The following CDH4 variants were observed in gnomAD, a reference collection of about 807,000 sequenced individuals.
CDH4 encodes the protein cadherin 4, also known as cadherin-4.
Under a neutral mutation model 86.0 loss-of-function variants are expected in CDH4, and 33 were observed. The ratio of observed to expected loss-of-function variants is 0.38; its 90% CI spans 0.29 to 0.51. The LOEUF is 0.51. Among genes scored for constraint, CDH4 ranks in the 20% least tolerant of loss-of-function variants. The probability of loss-of-function intolerance (pLI) is 0.86; values close to 1 mark genes in which losing one functional copy is unlikely to be tolerated. For missense variants in CDH4, 1,114 were observed against 1,307.4 expected (o/e 0.85, Z 2.28); for synonymous variants, 555 against 549.4 (o/e 1.01, Z -0.14).
At chr20:61,717,474 CGTT>C (rs886745640) in intron 2 of CDH4, 9 of 115,118 alleles carry the variant, frequency 7.8e-5, no homozygotes, top group African/African-American at 2.2e-4. Context: ...GGTTTTTTGT[CGTT>C]GTTTTTTTGT....
At chr20:61,728,978 G>A (rs2088145956) in intron 2 of CDH4, among the ~76,000 whole-genome samples, 1 of 152,158 alleles carries the variant, frequency 6.6e-6, no homozygotes, top group South Asian at 2.1e-4. Context: ...TTTCCTCCCT[G>A]CAGTGACTCA....
chr20:61,348,176 C>G (rs1242246229), intron 2 of CDH4, among the ~76,000 whole-genome samples: 1 of 152,154 alleles, frequency 6.6e-6, no homozygotes, highest in Admixed American at 6.5e-5. Context: ...GTTTAATGGA[C>G]TCGCAGTTCC....
chr20:61,808,680 G>A lies in CDH4; in HGVS notation c.576+35498G>A, dbSNP rs1980268360. On this transcript the variant is annotated intron_variant, in intron 4 of 15. Transcript: ENST00000614565. ...CAGCACGCCCCTCCCCAGGCTGTGAGCCTGCAACTGCCTTTCCAGTGTGGG... is the reference window on the plus strand; with the variant it reads ...CAGCACGCCCCTCCCCAGGCTGTGAACCTGCAACTGCCTTTCCAGTGTGGG... Among the ~76,000 whole-genome samples, 3 of 152,258 alleles carry A rather than the reference G, an allele frequency of 2.0e-5. No homozygotes were observed. The South Asian group carries it at 6.2e-4, about 31-fold the overall frequency.
At chr20:61,773,929 G>A (rs2088809082) in intron 4 of CDH4, among the ~76,000 whole-genome samples, 1 of 152,216 alleles carries the variant, frequency 6.6e-6, no homozygotes. Context: ...AGGCTGGGCT[G>A]TGCGTTTGGA....
chr20:61,739,769 C>T (rs2088310752), intron 2 of CDH4, among the ~76,000 whole-genome samples: 1 of 152,250 alleles, frequency 6.6e-6, no homozygotes, highest in Non-Finnish European at 1.5e-5. Context: ...AGGCAGACAG[C>T]AGGCCGCTCC....
chr20:61,351,605 A>G lies in CDH4; in HGVS notation c.169+96668A>G, dbSNP rs560416385. Among the ~76,000 whole-genome samples the G allele has an allele frequency of 2.6e-5, 4 of 152,350 alleles. No homozygotes were observed. In the South Asian group the frequency reaches 8.3e-4, roughly 32 times the overall value. On this transcript the variant is annotated intron_variant, in intron 2 of 15. Coordinates refer to ENST00000614565, the MANE Select transcript of CDH4 (RefSeq NM_001794.5). The stretch of plus-strand genomic sequence containing the variant: ...GGGGGGACGTGAGATGTTTTGATAC[A>G]GGCGTAGAATGCACCGTAATCATAT...
chr20:61,349,979 CT>C (rs991016941), intron 2 of CDH4, among the ~76,000 whole-genome samples: 36 of 152,184 alleles, frequency 2.4e-4, no homozygotes, highest in African/African-American at 8.7e-4. Context: ...CCTCCTGCCC[CT>C]GCCCACTGGG....
chr20:61,925,424 G>A (rs1012331258), intron 11 of CDH4, among the ~76,000 whole-genome samples: 5 of 152,228 alleles, frequency 3.3e-5, no homozygotes, highest in African/African-American at 7.2e-5. Flanking sequence ...CTGCCAAGTC[G>A]GGGGAGTCTT....
intron 2 of CDH4, among the ~76,000 whole-genome samples, chr20:61,348,188 C>T (rs764704262): frequency 1.3e-5 from 2 of 152,194 alleles, no homozygotes; most frequent in African/African-American, 4.8e-5. Context: ...CGCAGTTCCA[C>T]ATGGCTTGGA....
chr20:61,356,558 GC>G (rs1160954983), intron 2 of CDH4, among the ~76,000 whole-genome samples: 1 of 152,180 alleles, frequency 6.6e-6, no homozygotes, highest in East Asian at 1.9e-4. Context: ...CCGTGCAGTT[GC>G]TTTTCTGTTT....
chr20:61,849,028 G>C (rs746915734), intron 5 of CDH4, among the ~76,000 whole-genome samples: 3 of 152,180 alleles, frequency 2.0e-5, no homozygotes, highest in Non-Finnish European at 4.4e-5. Context: ...TGAGCCCTGA[G>C]ATCTGGCTGG....
intron 2 of CDH4, among the ~76,000 whole-genome samples, chr20:61,625,724 A>G (rs1304528945): frequency 6.6e-6 from 1 of 152,190 alleles, no homozygotes; most frequent in Non-Finnish European, 1.5e-5. Flanking sequence ...TAATGTCGTA[A>G]CAGACCCAAG....
intron 2 of CDH4, among the ~76,000 whole-genome samples, chr20:61,568,113 C>T (rs2086313873): frequency 1.3e-5 from 2 of 152,160 alleles, no homozygotes; most frequent in Admixed American, 1.3e-4. Context: ...GCAGCCGTGG[C>T]AGGGTCCCCT....
intron 2 of CDH4, chr20:61,719,784 C>T (rs1429994159): frequency 6.6e-6 from 1 of 152,266 alleles, no homozygotes; most frequent in Non-Finnish European, 1.5e-5. Flanking sequence ...TTTGTTCTTT[C>T]CTTCTGAAGA....
intron 2 of CDH4, among the ~76,000 whole-genome samples, chr20:61,331,578 C>A (rs1419076797): frequency 7.3e-6 from 1 of 136,448 alleles, no homozygotes; most frequent in African/African-American, 2.7e-5. Flanking sequence ...TGCCTGACCA[C>A]CTGCCCCAGG....
At chr20:61,727,319 CCATCGGTGCCAT>C (rs1472214543) in intron 2 of CDH4, among the ~76,000 whole-genome samples, 2 of 151,992 alleles carry the variant, frequency 1.3e-5, no homozygotes, top group Non-Finnish European at 2.9e-5. Context: ...GCCATCATCA[CCATCGGTGCCAT>C]CATCGGTGCC....
chr20:61,905,024 G>A (rs1168562407), intron 8 of CDH4, among the ~76,000 whole-genome samples: 1 of 152,202 alleles, frequency 6.6e-6, no homozygotes, highest in Non-Finnish European at 1.5e-5. Flanking sequence ...TGTGCCGGAA[G>A]GCCCTCGTAG....
At chr20:61,727,172 C>T (rs930988677) in intron 2 of CDH4, among the ~76,000 whole-genome samples, 3 of 151,142 alleles carry the variant, frequency 2.0e-5, no homozygotes, top group Admixed American at 1.3e-4. Flanking sequence ...ATCATCAACA[C>T]TGGAGCCATC....
chr20:61,878,499 C>T (rs982920170), intron 7 of CDH4, among the ~76,000 whole-genome samples: 1 of 152,252 alleles, frequency 6.6e-6, no homozygotes, highest in African/African-American at 2.4e-5. Context: ...AAGGCACCAG[C>T]TCGAGGGCTT....
Sources: gnomAD v4.1 joint callset for allele counts (sites outside exome capture counted in the v4.1 genomes callset) on GRCh38, gnomAD v4.1.1 for gene constraint, MANE v1.5 for transcripts, NCBI Gene and HGNC (gene_info 2026-07-23, HGNC 2026-07-21) for gene names.